The following PIGG variants were observed in gnomAD, a reference collection of about 807,000 sequenced individuals.
PIGG encodes the protein GPI ethanolamine phosphate transferase 2, catalytic subunit.
In PIGG, 70 loss-of-function variants were observed where a neutral mutation model predicts 83.2. The observed-to-expected ratio is 0.84, with a 90% CI of 0.69 to 1.03. The LOEUF (loss-of-function observed/expected upper bound fraction) is 1.03. Ranked by LOEUF, PIGG falls within the 50% of genes least tolerant of loss-of-function variation. The pLI, the probability that PIGG is intolerant of heterozygous loss-of-function variation, is 0.00. For missense variants in PIGG, 1,257 were observed against 1,233.6 expected, an observed-to-expected ratio of 1.02 and a Z score of -0.28; for synonymous variants, 532 against 519.5, an observed-to-expected ratio of 1.02 and a Z score of -0.33.
At chr4:506,159 G>A (rs1365843245) in intron 3 of PIGG, among the ~76,000 whole-genome samples, 2 of 152,102 alleles carry the variant, frequency 1.3e-5, no homozygotes, top group African/African-American at 2.4e-5. Context: ...GCTTAGAACA[G>A]CTGAGTGCCA....
Position 509,010 on chromosome 4 carries a change from C to T in PIGG, c.901+40C>T, listed in dbSNP as rs782812132. 62 of 1,562,576 alleles carry T rather than the reference C, an allele frequency of 4.0e-5. No individual in the cohort carries two copies. The Admixed American group carries it at 1.1e-3, about 27-fold the overall frequency. ...ATGTTAACAGTTGGAAATTGTATTA[C>T]ATTTGTTTTCTATAGTCTGGTTTTA... On this transcript the variant is annotated intron_variant, in intron 5 of 12. Transcript: ENST00000453061.
In PIGG at chr4:533,896, G is replaced by A. The variant is rs1354813742; in HGVS notation, c.2650G>A (p.Val884Met). 7.4e-6 allele frequency: 12 copies of A among 1,614,042 alleles called. No homozygotes were observed. Among genetic ancestry groups the A allele is most frequent in the Admixed American group, 1.7e-5 (1 of 60,004 alleles). Reference sequence around the variant, plus strand: ...AGACACCTACGTGGAAATCCCAGCCGTGCTCCTGACAGCGTTTGGGACGTA... The same window carrying A: ...AGACACCTACGTGGAAATCCCAGCCATGCTCCTGACAGCGTTTGGGACGTA... The part of the protein sequence containing the change: ...GLDTYVEIPA[V>M]LLTAFGTYAG... The change falls in exon 12 of 13, where the codon GTG (valine) becomes ATG (methionine). Residue 884 changes from valine to methionine, a missense_variant. Transcript: ENST00000453061.
intron 12 of PIGG, chr4:537,153 C>T (rs796608741): frequency 3.3e-5 from 5 of 152,320 alleles, no homozygotes; most frequent in African/African-American, 1.2e-4. Context: ...AAGTTTTACT[C>T]ATGGTTTCTA....
intron 12 of PIGG, among the ~76,000 whole-genome samples, chr4:535,494 C>G (rs1030000446): frequency 9.1e-6 from 1 of 109,736 alleles, no homozygotes; most frequent in African/African-American, 4.2e-5. Flanking sequence ...CCCGCACTTT[C>G]TGGGTGGCTT....
At chr4:531,363 G>GC (rs1560369906) in intron 11 of PIGG, 3 of 156,770 alleles carry the variant, frequency 1.9e-5, no homozygotes, top group African/African-American at 4.8e-5. Context: ...AGGAGAGCAG[G>GC]CACAGCCCTG....
intron 3 of PIGG, 79 bp from the exon 4 acceptor site, chr4:507,326 T>C (rs188058759): frequency 1.9e-4 from 213 of 1,119,402 alleles, no homozygotes; most frequent in Non-Finnish European, 2.5e-4. Flanking sequence ...GATTTTAAGA[T>C]GACTGTTGCG....
intron 2 of PIGG, chr4:502,192 G>C (rs567790731): frequency 6.6e-6 from 1 of 152,322 alleles, no homozygotes; most frequent in African/African-American, 2.4e-5. Context: ...CAGTCCGTTG[G>C]CACTGTGGTT....
At chr4:521,972 G>A (rs749823517) in intron 8 of PIGG, 31 bp downstream of exon 8, 27 of 1,608,544 alleles carry the variant, frequency 1.7e-5, no homozygotes, top group African/African-American at 6.7e-5. Context: ...GGAGTGTGAC[G>A]TAGTCCTTCT....
chr4:522,158 A>G, intron 8 of PIGG: 1 of 612,330 alleles, frequency 1.6e-6, no homozygotes, highest in Non-Finnish European at 2.9e-6. Context: ...CTGTGCTGTC[A>G]GGTCAGATGC....
intron 8 of PIGG, 100 bp downstream of exon 8, chr4:522,041 C>A: frequency 7.6e-7 from 1 of 1,318,220 alleles, no homozygotes; most frequent in Non-Finnish European, 1.1e-6. Context: ...TGGTTGAACA[C>A]CTGGTGTGTG....
chr4:538,020 C>T (rs919737235), intron 12 of PIGG, among the ~76,000 whole-genome samples: 6 of 149,804 alleles, frequency 4.0e-5, no homozygotes, highest in African/African-American at 1.2e-4. Context: ...GCCGACAGGA[C>T]TGAGGAGCCC....
intron 6 of PIGG, among the ~76,000 whole-genome samples, chr4:518,091 G>A (rs994516246): frequency 3.9e-5 from 6 of 152,190 alleles, no homozygotes; most frequent in Non-Finnish European, 5.9e-5. Context: ...CTTGGGAACC[G>A]GATGTGATGA....
intron 2 of PIGG, among the ~76,000 whole-genome samples, chr4:503,790 A>G (rs1318578958): frequency 3.3e-5 from 5 of 151,876 alleles, no homozygotes; most frequent in Admixed American, 3.3e-4. Flanking sequence ...AGTAATTTGT[A>G]TAGTTTGCTA....
chr4:515,322 A>G lies in PIGG; in HGVS notation c.902-651A>G, dbSNP rs1723470754. On this transcript the variant is annotated intron_variant, in intron 5 of 12. Transcript: ENST00000453061. The surrounding 1 kb of genome is among the most constrained non-coding windows in gnomAD (Gnocchi z 4.2). ...GGTGGCAGAGCAGTGGCCTAGGCCC[A>G]TGGTGCTGACATCACAGCCATTCTT... Among the ~76,000 whole-genome samples the G allele has an allele frequency of 6.6e-6, 1 of 152,278 alleles. No individual in the cohort carries two copies. Among genetic ancestry groups the G allele is most frequent in the African/African-American group, 2.4e-5 (1 of 41,482 alleles).
At chr4:509,860 C>A (rs1553882314) in intron 5 of PIGG, among the ~76,000 whole-genome samples, 1 of 152,208 alleles carries the variant, frequency 6.6e-6, no homozygotes, top group Non-Finnish European at 1.5e-5. Context: ...CTCTAAGTGT[C>A]CCCATTCATC....
At chr4:538,708 C>T (rs1189847754) in intron 12 of PIGG, among the ~76,000 whole-genome samples, 1 of 152,192 alleles carries the variant, frequency 6.6e-6, no homozygotes. Flanking sequence ...CCAACCACAT[C>T]CAGATTTCTG....
At position 515,830 on chromosome 4, in the gene PIGG, G is replaced by C; in HGVS notation, c.902-143G>C. 1 of 674,766 alleles carries C rather than the reference G, an allele frequency of 1.5e-6. No homozygotes were observed. The highest frequency in any genetic ancestry group is 2.6e-6 in the Non-Finnish European group (1 of 380,790). The allele number at this position is 674,766 out of a possible 1,614,324, so 41.8% of individuals were successfully genotyped here. Reference sequence around the variant, plus strand: ...ACTATCAACACAGCAAGCACAGGAGGTGATTCCTGTACGATTCTGTGTTGA... The same window carrying C: ...ACTATCAACACAGCAAGCACAGGAGCTGATTCCTGTACGATTCTGTGTTGA... On this transcript the variant is annotated intron_variant, in intron 5 of 12. Transcript: ENST00000453061. This position sits in a 1 kb window ranked among gnomAD's most constrained non-coding sequence, Gnocchi z 4.2.
chr4:506,842 A>G lies in PIGG; in HGVS notation c.571-563A>G, dbSNP rs4690182. The G allele has an allele frequency of 0.92, 419,126 of 455,336 alleles. 194,501 individuals carry two copies. Among genetic ancestry groups the G allele is most frequent in the East Asian group, 1 (14,312 of 14,358 alleles). The allele number at this position is 455,336 out of a possible 1,614,324, so 28.2% of individuals were successfully genotyped here. A position where few individuals can be genotyped will look rare whatever the true frequency, so the allele number is the denominator to read the frequency against. On this transcript the variant is annotated intron_variant, in intron 3 of 12. Transcript: ENST00000453061. ...ACATGTAGATGCCCTCAGCTTCATC[A>G]TCCTGCTGGTTACTTTAACGCTGGG...
rs915668256 is a variant in PIGG, at chr4:521,645, G to A, written c.1333-15G>A. 1.9e-6 allele frequency: 3 copies of A among 1,611,050 alleles called. No individual in the cohort carries two copies. Among genetic ancestry groups the A allele is most frequent in the Middle Eastern group, 3.3e-4 (2 of 6,028 alleles). ...AGCCCAGCAGTCTGTGGATGCTGCT[G>A]TTTCTCTGTTCCAGGTTCTCACCCT... is the stretch of plus-strand genomic sequence containing the variant. On this transcript the variant is annotated splice_polypyrimidine_tract_variant and intron_variant, in intron 7 of 12. Transcript: ENST00000453061.
Sources: allele counts gnomAD v4.1 joint callset (sites outside exome capture counted in the v4.1 genomes callset), GRCh38; gene constraint gnomAD v4.1.1; non-coding constraint Gnocchi (gnomAD v3.1); transcripts MANE v1.5; gene names NCBI Gene and HGNC (gene_info 2026-07-23, HGNC 2026-07-21).